The following MGAT4C variants were observed in gnomAD, a reference collection of about 807,000 sequenced individuals.
MGAT4C encodes the protein alpha-1,3-mannosyl-glycoprotein 4-beta-N-acetylglucosaminyltransferase C.
A neutral mutation model predicts 40.1 loss-of-function variants in MGAT4C; 19 were observed. That is an observed-to-expected ratio of 0.47 (90% CI 0.33 to 0.70). The LOEUF is 0.70. Ranked by LOEUF, MGAT4C falls within the 30% of genes least tolerant of loss-of-function variation. The pLI, the probability that MGAT4C is intolerant of heterozygous loss-of-function variation, is 0.02. For synonymous variants in MGAT4C, 181 were observed against 187.1 expected (o/e 0.97, Z 0.27); for missense variants, 491 against 563.2 (o/e 0.87, Z 1.30).
intron 1 of MGAT4C, among the ~76,000 whole-genome samples, chr12:86,133,275 G>A (rs1246173510): frequency 6.6e-6 from 1 of 152,228 alleles, no homozygotes; most frequent in African/African-American, 2.4e-5. Context: ...TTAGAGCGTA[G>A]AGAGTGGGAA....
chr12:86,126,190 A>G (rs1352106878), intron 1 of MGAT4C, among the ~76,000 whole-genome samples: 5 of 151,984 alleles, frequency 3.3e-5, no homozygotes, highest in Admixed American at 6.6e-5. Context: ...GCTATATGTA[A>G]CTGTAGTATT....
intron 3 of MGAT4C, among the ~76,000 whole-genome samples, chr12:86,345,664 T>C (rs544034055): frequency 1.3e-5 from 2 of 152,298 alleles, no homozygotes; most frequent in South Asian, 2.1e-4. Flanking sequence ...TGTTGGACAT[T>C]TGGGTTGGTT....
intron 1 of MGAT4C, among the ~76,000 whole-genome samples, chr12:86,196,559 GTTC>G (rs1272625110): frequency 6.6e-6 from 1 of 152,230 alleles, no homozygotes; most frequent in African/African-American, 2.4e-5. Context: ...TTTCAGGGCT[GTTC>G]TTCCTATTTC....
At chr12:86,600,299 G>T (rs943845155) in intron 2 of MGAT4C, among the ~76,000 whole-genome samples, 6 of 152,132 alleles carry the variant, frequency 3.9e-5, no homozygotes, top group South Asian at 4.1e-4. Flanking sequence ...AAGAAAGAAA[G>T]GCCCAGGTTG....
intron 1 of MGAT4C, chr12:86,068,217 T>A (rs1894745215): frequency 6.6e-6 from 1 of 152,168 alleles, no homozygotes; most frequent in South Asian, 2.1e-4. Context: ...TAATTATTTG[T>A]TTGTTTTTGT....
At chr12:86,414,334 A>C (rs544902277) in intron 3 of MGAT4C, among the ~76,000 whole-genome samples, 2 of 152,292 alleles carry the variant, frequency 1.3e-5, no homozygotes, top group Non-Finnish European at 2.9e-5. Flanking sequence ...ATACAGTGTA[A>C]AGAAAAATAC....
chr12:86,028,112 T>C, intron 2 of MGAT4C: 1 of 1,287,420 alleles, frequency 7.8e-7, no homozygotes, highest in South Asian at 1.2e-5. Context: ...ACCTTGCATC[T>C]TCTGGATCCC....
chr12:86,387,296 A>C (rs1430326665), intron 3 of MGAT4C, among the ~76,000 whole-genome samples: 2 of 152,068 alleles, frequency 1.3e-5, no homozygotes, highest in African/African-American at 4.8e-5. Context: ...ATTCATGTAT[A>C]ATATTTGATA....
At chr12:86,605,926 T>C (rs1045812679) in intron 2 of MGAT4C, among the ~76,000 whole-genome samples, 2 of 152,122 alleles carry the variant, frequency 1.3e-5, no homozygotes, top group Admixed American at 1.3e-4. Context: ...ACTGGGTAAT[T>C]TGTAAAGGAA....
intron 4 of MGAT4C, among the ~76,000 whole-genome samples, chr12:86,261,613 G>A (rs943657202): frequency 2.0e-5 from 3 of 151,866 alleles, no homozygotes; most frequent in African/African-American, 7.3e-5. Flanking sequence ...TGTATCTATC[G>A]TACTCTATTG....
At chr12:86,489,957 T>TGAAAGTGACG (rs553238073) in intron 2 of MGAT4C, among the ~76,000 whole-genome samples, 1,928 of 152,222 alleles carry the variant, frequency 0.013, 39 homozygotes, top group African/African-American at 0.042. Flanking sequence ...TTGGTGTACC[T>TGAAAGTGACG]GAAAGTGACG....
intron 2 of MGAT4C, among the ~76,000 whole-genome samples, chr12:86,538,557 T>C (rs900981226): frequency 6.6e-6 from 1 of 151,702 alleles, no homozygotes; most frequent in Non-Finnish European, 1.5e-5. Flanking sequence ...CTTTTACTGA[T>C]AAAATATTTC....
At chr12:86,678,493 TATGTATACATG>T (rs1949909829) in intron 2 of MGAT4C, among the ~76,000 whole-genome samples, 1 of 151,784 alleles carries the variant, frequency 6.6e-6, no homozygotes, top group South Asian at 2.1e-4. Flanking sequence ...GTTAGTTACA[TATGTATACATG>T]TGCCATGCTG....
At chr12:86,659,040 G>A (rs1482530392) in intron 2 of MGAT4C, among the ~76,000 whole-genome samples, 2 of 152,022 alleles carry the variant, frequency 1.3e-5, no homozygotes, top group Non-Finnish European at 2.9e-5. Flanking sequence ...ATAATTAAAT[G>A]TTTATTGTCT....
rs1883344837 is a variant in MGAT4C at position 85,966,008 on chromosome 12, A to AAC, written c.*13280_*13281insGT. ...AAATGACATTAAAAAATGTATAAAA[A>AAC]GGTATGTTAAGTAATTAAAAGTGTC... On this transcript the variant is annotated 3_prime_UTR_variant, in exon 5 of 5. Transcript: ENST00000611864. The AAC allele has an allele frequency of 6.6e-6, 1 of 152,188 alleles. No individual in the cohort carries two copies. Among genetic ancestry groups the AAC allele is most frequent in the Admixed American group, 6.6e-5 (1 of 15,266 alleles). 9.4% of individuals were successfully genotyped at this position (152,188 alleles called of 1,614,324 possible).
At chr12:86,245,639 C>T (rs552440951) in intron 1 of MGAT4C, among the ~76,000 whole-genome samples, 25 of 152,230 alleles carry the variant, frequency 1.6e-4, no homozygotes, top group Non-Finnish European at 3.4e-4. Flanking sequence ...TTCAAAACCC[C>T]CCTTTTGATC....
At chr12:86,516,585 A>C (rs1958691186) in intron 2 of MGAT4C, among the ~76,000 whole-genome samples, 1 of 152,144 alleles carries the variant, frequency 6.6e-6, no homozygotes, top group Non-Finnish European at 1.5e-5. Flanking sequence ...ATGAGACCAA[A>C]AGCACAAACA....
intron 2 of MGAT4C, among the ~76,000 whole-genome samples, chr12:86,029,266 T>C (rs1300198877): frequency 3.3e-5 from 5 of 151,854 alleles, no homozygotes; most frequent in Non-Finnish European, 5.9e-5. Context: ...GAGTGAGTCA[T>C]GGGAAAGAAA....
chr12:86,573,398 C>A (rs953852429), intron 2 of MGAT4C, among the ~76,000 whole-genome samples: 2 of 151,988 alleles, frequency 1.3e-5, no homozygotes, highest in African/African-American at 4.8e-5. Context: ...AATGATCCTA[C>A]AGTTCAGTGT....
Sources: allele counts gnomAD v4.1 joint callset (sites outside exome capture counted in the v4.1 genomes callset), GRCh38; gene constraint gnomAD v4.1.1; transcripts MANE v1.5; gene names NCBI Gene and HGNC (gene_info 2026-07-23, HGNC 2026-07-21).